Variants in BCL2 observed in about 807,000 individuals in gnomAD.
BCL2 encodes the protein BCL2 apoptosis regulator.
A neutral mutation model predicts 14.2 loss-of-function variants in BCL2; 1 was observed. The observed-to-expected ratio is 0.07, with a 90% CI of 0.02 to 0.33. The LOEUF (loss-of-function observed/expected upper bound fraction) is 0.33. Ranked by LOEUF, BCL2 falls within the 10% of genes least tolerant of loss-of-function variation. The probability of loss-of-function intolerance (pLI) is 0.99; values close to 1 mark genes in which losing one functional copy is unlikely to be tolerated. For synonymous variants in BCL2, 151 were observed against 137.2 expected, an observed-to-expected ratio of 1.10 and a Z score of -0.70; for missense variants, 247 against 305.9, an observed-to-expected ratio of 0.81 and a Z score of 1.44.
chr18:63,258,338 A>C (rs1183682406), intron 2 of BCL2, among the ~76,000 whole-genome samples: 2 of 152,230 alleles, frequency 1.3e-5, no homozygotes, highest in Non-Finnish European at 2.9e-5. Context: ...TGGTACTACC[A>C]TATATTATTT....
Position 63,127,035 on chromosome 18 carries a change from T to A in BCL2, c.*1590A>T, listed in dbSNP as rs977972491. The A allele has an allele frequency of 7.1e-6, 1 of 141,694 alleles. No individual in the cohort carries two copies. The highest frequency in any genetic ancestry group is 5.5e-5 in the African/African-American group (1 of 18,188). 8.8% of individuals were successfully genotyped at this position (141,694 alleles called of 1,614,324 possible). A position where few individuals can be genotyped will look rare whatever the true frequency, so the allele number is the denominator to read the frequency against. The stretch of plus-strand genomic sequence containing the variant: ...CTTCTTTATAGTTCCCCACCATTGA[T>A]TTTTTTTTTAATGCCCCAGGATGTA... On this transcript the variant is annotated 3_prime_UTR_variant, in exon 3 of 3. Coordinates refer to ENST00000333681, the MANE Select transcript of BCL2 (RefSeq NM_000633.3).
At chr18:63,307,681 G>A (rs962924363) in intron 2 of BCL2, among the ~76,000 whole-genome samples, 2 of 152,212 alleles carry the variant, frequency 1.3e-5, no homozygotes, top group African/African-American at 4.8e-5. Context: ...CAGCAGCACA[G>A]GGGACAGATA....
chr18:63,164,189 C>A (rs1914986950), intron 2 of BCL2, among the ~76,000 whole-genome samples: 1 of 152,180 alleles, frequency 6.6e-6, no homozygotes, highest in Admixed American at 6.5e-5. Context: ...TATGGTACCA[C>A]CCTTCCATGC....
intron 2 of BCL2, among the ~76,000 whole-genome samples, chr18:63,212,250 C>G (rs1910040422): frequency 2.0e-5 from 3 of 151,608 alleles, no homozygotes; most frequent in African/African-American, 7.3e-5. Context: ...ATTGCTTGAA[C>G]CCAGGAGGCA....
rs1913948835 is a variant in BCL2, at chr18:63,127,757, A to G, written c.*868T>C. 4.4e-6 allele frequency: 1 copy of G among 225,314 alleles called. No homozygotes were observed. Among genetic ancestry groups the G allele is most frequent in the Admixed American group, 5.7e-5 (1 of 17,472 alleles). The allele number at this position is 225,314 out of a possible 1,614,324, so 14.0% of individuals were successfully genotyped here. ...AAATGTTCACTTCCTCAAGTTCCAG[A>G]GGATTCTGTTTCTTACTCAGACAGA... On this transcript the variant is annotated 3_prime_UTR_variant, in exon 3 of 3. Transcript: ENST00000333681.
intron 2 of BCL2, among the ~76,000 whole-genome samples, chr18:63,288,823 T>A (rs534856476): frequency 2.0e-5 from 3 of 152,266 alleles, no homozygotes; most frequent in East Asian, 3.9e-4. Flanking sequence ...AACTGTCTAC[T>A]GTTTCTTTAA....
chr18:63,315,683 T>C (rs1913471405), intron 2 of BCL2: 1 of 152,180 alleles, frequency 6.6e-6, no homozygotes, highest in African/African-American at 2.4e-5. Context: ...AAATACAACA[T>C]ATTATTAGAG....
intron 2 of BCL2, among the ~76,000 whole-genome samples, chr18:63,222,944 G>A (rs886948190): frequency 3.3e-5 from 5 of 152,136 alleles, no homozygotes; most frequent in African/African-American, 4.8e-5. Flanking sequence ...TTTAGAAGAC[G>A]GAAAGCAGAT....
chr18:63,252,146 T>C (rs1911337050), intron 2 of BCL2, among the ~76,000 whole-genome samples: 1 of 152,224 alleles, frequency 6.6e-6, no homozygotes, highest in South Asian at 2.1e-4. Flanking sequence ...AATCCTAATA[T>C]TCTTAATATC....
At chr18:63,229,548 A>G (rs1205986470) in intron 2 of BCL2, among the ~76,000 whole-genome samples, 1 of 152,100 alleles carries the variant, frequency 6.6e-6, no homozygotes, top group East Asian at 1.9e-4. Flanking sequence ...TTCTCATGAC[A>G]TCTAGTTGTT....
In BCL2 at chr18:63,176,426, C is replaced by T. The variant is rs151250183; in HGVS notation, c.586-47667G>A. ...CAATAGGGTGTTTGCCTGCCTAGAC[C>T]GTGTCAGGCACAGAGTCAGCATTTG... On this transcript the variant is annotated intron_variant, in intron 2 of 2. Transcript: ENST00000333681. Among the ~76,000 whole-genome samples, 777 of 152,264 alleles carry T rather than the reference C, an allele frequency of 5.1e-3. 6 individuals carry two copies. Among genetic ancestry groups the T allele is most frequent in the African/African-American group, 0.018 (742 of 41,548 alleles).
chr18:63,144,449 G>A (rs895271099), intron 2 of BCL2, among the ~76,000 whole-genome samples: 24 of 152,032 alleles, frequency 1.6e-4, no homozygotes, highest in Admixed American at 6.6e-5. Flanking sequence ...TCGAATCCAG[G>A]ACTATATGAC....
At chr18:63,263,833 AT>A (rs1368820963) in intron 2 of BCL2, among the ~76,000 whole-genome samples, 1 of 150,796 alleles carries the variant, frequency 6.6e-6, no homozygotes, top group Admixed American at 6.6e-5. Flanking sequence ...ACTGCTGCAA[AT>A]TTTTTTTTTA....
At chr18:63,231,909 C>T (rs1172576986) in intron 2 of BCL2, among the ~76,000 whole-genome samples, 1 of 151,942 alleles carries the variant, frequency 6.6e-6, no homozygotes, top group African/African-American at 2.4e-5. Flanking sequence ...CTTGTCCTAC[C>T]AGATATCAAG....
intron 2 of BCL2, among the ~76,000 whole-genome samples, chr18:63,273,150 G>A (rs1423502913): frequency 3.9e-5 from 6 of 152,154 alleles, no homozygotes; most frequent in African/African-American, 1.2e-4. Context: ...TAGACAAAAT[G>A]TAGAAAGTAT....
chr18:63,249,641 C>T (rs1346817447), intron 2 of BCL2, among the ~76,000 whole-genome samples: 3 of 136,230 alleles, frequency 2.2e-5, no homozygotes, highest in African/African-American at 5.6e-5. Flanking sequence ...ACCCAGGAGG[C>T]GGAAGTTGCA....
intron 2 of BCL2, among the ~76,000 whole-genome samples, chr18:63,232,794 A>T (rs1910724184): frequency 6.6e-6 from 1 of 152,212 alleles, no homozygotes; most frequent in South Asian, 2.1e-4. Context: ...AAGTTCAACA[A>T]ATCCACATGG....
intron 2 of BCL2, among the ~76,000 whole-genome samples, chr18:63,253,074 GT>G (rs1568247781): frequency 1.3e-5 from 2 of 152,302 alleles, no homozygotes; most frequent in African/African-American, 4.8e-5. Context: ...CACAGTTTGC[GT>G]TTGTTTATGC....
intron 2 of BCL2, among the ~76,000 whole-genome samples, chr18:63,193,452 T>C (rs1164543171): frequency 6.6e-6 from 1 of 152,108 alleles, no homozygotes; most frequent in East Asian, 1.9e-4. Context: ...TTGGCTACTG[T>C]AGATGCTCAT....
Sources: allele counts gnomAD v4.1 joint callset (sites outside exome capture counted in the v4.1 genomes callset), GRCh38; gene constraint gnomAD v4.1.1; transcripts MANE v1.5; gene names NCBI Gene and HGNC (gene_info 2026-07-23, HGNC 2026-07-21).